The following EXOC4 variants were observed in gnomAD, a reference collection of about 807,000 sequenced individuals.
The protein encoded by EXOC4 is SEC8-like 1.
A neutral mutation model predicts 107.2 loss-of-function variants in EXOC4; 71 were observed. The ratio of observed to expected loss-of-function variants is 0.66; its 90% CI spans 0.55 to 0.81. The LOEUF is 0.81. Among genes scored for constraint, EXOC4 ranks in the 30% least tolerant of loss-of-function variants. EXOC4 has a pLI of 0.00. For missense variants in EXOC4, 1,108 were observed against 1,189.6 expected (o/e 0.93, Z 1.01); for synonymous variants, 456 against 441.2 (o/e 1.03, Z -0.42).
At chr7:133,918,000 T>G (rs1302613153) in intron 13 of EXOC4, among the ~76,000 whole-genome samples, 1 of 151,524 alleles carries the variant, frequency 6.6e-6, no homozygotes, top group African/African-American at 2.4e-5. Context: ...TTTTTTTTTT[T>G]GAGACAGAGT....
intron 10 of EXOC4, among the ~76,000 whole-genome samples, chr7:133,786,257 G>A (rs562869013): frequency 7.9e-5 from 12 of 152,136 alleles, no homozygotes; most frequent in Non-Finnish European, 1.8e-4. Flanking sequence ...GGGTCATTAC[G>A]GAGACCCAGT....
intron 10 of EXOC4, among the ~76,000 whole-genome samples, chr7:133,666,607 G>T (rs7803626): frequency 0.13 from 19,599 of 152,154 alleles, 1,380 homozygotes; most frequent in East Asian, 0.24. Context: ...ATTACTGTCA[G>T]CTTTTTGGTA....
rs1285028486 is a variant in EXOC4 at position 133,817,542 on chromosome 7, C to T, written c.1732C>T (p.Gln578Ter). 6.2e-7 allele frequency: 1 copy of T among 1,608,812 alleles called. No individual in the cohort carries two copies. Among genetic ancestry groups the T allele is most frequent in the East Asian group, 2.2e-5 (1 of 44,856 alleles). Residue 578 changes from glutamine (Q) to a stop codon, truncating the protein, a stop_gained and splice_region_variant, in exon 11 of 18, where the codon CAG becomes TAG. Transcript: ENST00000253861. LOFTEE classifies it high-confidence loss of function. The part of the protein sequence containing the change: ...KVLGVQRPLL[Q>*]STIIVEKTVQ... ...GCTGGGAGTGCAGCGGCCTCTCCTA[C>T]AGGTAATAATACACTTTGAACTTAC...
At chr7:133,850,219 C>T (rs1169883314) in intron 11 of EXOC4, among the ~76,000 whole-genome samples, 1 of 152,134 alleles carries the variant, frequency 6.6e-6, no homozygotes, top group East Asian at 1.9e-4. Context: ...AGAGCTTTGG[C>T]ACTGACCAGA....
chr7:133,388,942 C>T (rs563401805), intron 7 of EXOC4, among the ~76,000 whole-genome samples: 2 of 152,200 alleles, frequency 1.3e-5, no homozygotes, highest in East Asian at 1.9e-4. Context: ...TGATTGCTAG[C>T]GTCATTTGCT....
intron 7 of EXOC4, among the ~76,000 whole-genome samples, chr7:133,464,725 G>C (rs1798675344): frequency 6.7e-6 from 1 of 148,400 alleles, no homozygotes; most frequent in Non-Finnish European, 1.5e-5. Context: ...TTAAAACAGA[G>C]TAAAATTGTG....
intron 10 of EXOC4, among the ~76,000 whole-genome samples, chr7:133,810,866 C>G (rs914304265): frequency 1.2e-4 from 19 of 152,178 alleles, no homozygotes; most frequent in Non-Finnish European, 2.5e-4. Flanking sequence ...ATCTCCTGAC[C>G]TCGTGATCTG....
intron 9 of EXOC4, among the ~76,000 whole-genome samples, chr7:133,615,999 G>A (rs1302498780): frequency 1.3e-5 from 2 of 152,120 alleles, no homozygotes; most frequent in East Asian, 3.9e-4. Flanking sequence ...TCAGTCAAAC[G>A]TAGTATGTAT....
At chr7:133,265,825 C>T (rs955665690) in intron 1 of EXOC4, among the ~76,000 whole-genome samples, 1 of 152,106 alleles carries the variant, frequency 6.6e-6, no homozygotes, top group Non-Finnish European at 1.5e-5. Context: ...CGCCAAAATT[C>T]AGGTGTATTA....
chr7:134,060,368 T>C (rs943681010), intron 17 of EXOC4, among the ~76,000 whole-genome samples: 2 of 152,224 alleles, frequency 1.3e-5, no homozygotes, highest in African/African-American at 4.8e-5. Context: ...AATTGACTGC[T>C]GAATATTGTA....
At chr7:134,027,439 C>T (rs1301877543) in intron 17 of EXOC4, among the ~76,000 whole-genome samples, 1 of 152,046 alleles carries the variant, frequency 6.6e-6, no homozygotes, top group African/African-American at 2.4e-5. Flanking sequence ...GCGGGCAGAT[C>T]GCAAGGTCAG....
At chr7:133,778,490 G>A (rs987232799) in intron 10 of EXOC4, among the ~76,000 whole-genome samples, 32 of 152,140 alleles carry the variant, frequency 2.1e-4, no homozygotes, top group Admixed American at 3.3e-4. Flanking sequence ...AGGTTGAGGC[G>A]GGAGGATGGC....
At chr7:133,400,080 T>C (rs544630508) in intron 7 of EXOC4, among the ~76,000 whole-genome samples, 1 of 152,296 alleles carries the variant, frequency 6.6e-6, no homozygotes, top group South Asian at 2.1e-4. Context: ...GACACTTGGA[T>C]CTGCGGGGGC....
intron 7 of EXOC4, among the ~76,000 whole-genome samples, chr7:133,449,054 G>A (rs1209210904): frequency 1.3e-5 from 2 of 152,164 alleles, no homozygotes; most frequent in African/African-American, 4.8e-5. Flanking sequence ...TTTGCAGTGA[G>A]CTGAGATCAC....
the EXOC4 span, among the ~76,000 whole-genome samples, chr7:134,084,224 G>T: frequency 6.6e-6 from 1 of 152,192 alleles, no homozygotes; most frequent in African/African-American, 2.4e-5. Flanking sequence ...GAAGGCAGTT[G>T]CTTCTAAGCC....
At chr7:133,731,331 A>G (rs1795321333) in intron 10 of EXOC4, among the ~76,000 whole-genome samples, 2 of 152,176 alleles carry the variant, frequency 1.3e-5, no homozygotes. Flanking sequence ...CCGTTAACCA[A>G]TAACTTCTTA....
rs541470857 is a variant in EXOC4, at chr7:133,416,932, A to T, written c.1182+41930A>T. Among the ~76,000 whole-genome samples, 4 of 152,262 alleles carry T rather than the reference A, an allele frequency of 2.6e-5. No homozygotes were observed. In the East Asian group the frequency reaches 7.7e-4, roughly 29 times the overall value. On this transcript the variant is annotated intron_variant, in intron 7 of 17. Transcript: ENST00000253861. Reference sequence around the variant, plus strand: ...GCAATGTGGGATATTACAGGGAAGGAACAACATTTGGAGCATCTTTGGATG... The same window carrying T: ...GCAATGTGGGATATTACAGGGAAGGTACAACATTTGGAGCATCTTTGGATG...
Position 133,906,914 on chromosome 7 carries a change from A to G in EXOC4, c.1872-10669A>G, listed in dbSNP as rs568437452. Among the ~76,000 whole-genome samples the G allele has an allele frequency of 1.8e-4, 28 of 152,278 alleles. No homozygotes were observed. The South Asian group carries it at 3.3e-3, about 18-fold the overall frequency. ...TTCTCTTCTGTGACCCATGGCTTCT[A>G]ATAGAACTGTTACACTCACCGCACA... On this transcript the variant is annotated intron_variant, in intron 12 of 17. Coordinates refer to ENST00000253861, the MANE Select transcript of EXOC4 (RefSeq NM_021807.4).
chr7:133,773,576 C>A (rs1011294458), intron 10 of EXOC4, among the ~76,000 whole-genome samples: 2 of 151,722 alleles, frequency 1.3e-5, no homozygotes, highest in African/African-American at 4.8e-5. Context: ...TCATACCATA[C>A]CCAAAATATG....
Sources: gnomAD v4.1 joint callset for allele counts (sites outside exome capture counted in the v4.1 genomes callset) on GRCh38, gnomAD v4.1.1 for gene constraint, MANE v1.5 for transcripts, NCBI Gene and HGNC (gene_info 2026-07-23, HGNC 2026-07-21) for gene names.